Variants in ASPRV1 observed in about 807,000 individuals in gnomAD.
ASPRV1 encodes retroviral-like aspartic protease 1.
A neutral mutation model predicts 11.0 loss-of-function variants in ASPRV1; 7 were observed. The observed-to-expected ratio is 0.64, with a 90% confidence interval of 0.36 to 1.20. The LOEUF is 1.20. Among genes scored for constraint, ASPRV1 ranks in the 50% most tolerant of loss-of-function variants. ASPRV1 has a pLI of 0.02. For missense variants in ASPRV1, 299 were observed against 320.0 expected (o/e 0.93, Z 0.50); for synonymous variants, 136 against 138.4 (o/e 0.98, Z 0.12).
chr2:69,995,972 T>C, the ASPRV1 span, among the ~76,000 whole-genome samples: 2 of 152,028 alleles, frequency 1.3e-5, no homozygotes, highest in Admixed American at 6.6e-5. Flanking sequence ...CCAAATCTCT[T>C]TGGGGAGCAC....
chr2:70,018,950 A>G, the ASPRV1 span: 9 of 152,350 alleles, frequency 5.9e-5, no homozygotes, highest in East Asian at 1.7e-3. Context: ...ACAGTAAAGG[A>G]AACAATACAG....
the ASPRV1 span, chr2:69,940,301 CAT>C: frequency 6.6e-6 from 1 of 152,128 alleles, no homozygotes; most frequent in African/African-American, 2.4e-5. Context: ...CAGCCTGTAA[CAT>C]ATTTGAAAAA....
the ASPRV1 span, among the ~76,000 whole-genome samples, chr2:70,054,922 C>T: frequency 6.6e-6 from 1 of 150,408 alleles, no homozygotes; most frequent in Non-Finnish European, 1.5e-5. Context: ...AACTATCCAT[C>T]ATACATACAT....
At chr2:70,026,508 G>A in the ASPRV1 span, among the ~76,000 whole-genome samples, 1 of 151,918 alleles carries the variant, frequency 6.6e-6, no homozygotes, top group Non-Finnish European at 1.5e-5. Flanking sequence ...CAGTAAAGTT[G>A]CAGGATACAA....
the ASPRV1 span, among the ~76,000 whole-genome samples, chr2:70,084,746 ATTTG>A: frequency 3.3e-5 from 5 of 152,202 alleles, no homozygotes; most frequent in South Asian, 2.1e-4. Context: ...ATAATGTAAA[ATTTG>A]TTTCTTAGTG....
At chr2:70,087,332 T>G in the ASPRV1 span, 1 of 152,096 alleles carries the variant, frequency 6.6e-6, no homozygotes, top group Non-Finnish European at 1.5e-5. Flanking sequence ...TCAGAAGGTT[T>G]TTTTTTTAAG....
chr2:70,068,275 T>C, the ASPRV1 span, among the ~76,000 whole-genome samples: 1 of 152,170 alleles, frequency 6.6e-6, no homozygotes, highest in Admixed American at 6.5e-5. Flanking sequence ...ATCTGGCCAT[T>C]TGGAGGCAGC....
the ASPRV1 span, among the ~76,000 whole-genome samples, chr2:70,044,876 T>C: frequency 2.0e-5 from 3 of 152,174 alleles, no homozygotes; most frequent in Non-Finnish European, 2.9e-5. Context: ...CCATCACACC[T>C]GACTTTGTGA....
At chr2:70,033,274 A>AAAACACAC in the ASPRV1 span, among the ~76,000 whole-genome samples, 1 of 97,936 alleles carries the variant, frequency 1.0e-5, no homozygotes, top group Non-Finnish European at 1.9e-5. Context: ...TATCAAACAG[A>AAAACACAC]AAACACACAC....
chr2:70,067,456 G>GA, the ASPRV1 span, among the ~76,000 whole-genome samples: 1 of 152,166 alleles, frequency 6.6e-6, no homozygotes, highest in South Asian at 2.1e-4. Context: ...CAAAGAGGTT[G>GA]AGATCACCCA....
chr2:70,019,348 T>C, the ASPRV1 span: 1 of 152,178 alleles, frequency 6.6e-6, no homozygotes, highest in African/African-American at 2.4e-5. Context: ...AGGAAAACAC[T>C]ATGGTGGTTC....
chr2:70,009,821 A>G, the ASPRV1 span, among the ~76,000 whole-genome samples: 3 of 152,240 alleles, frequency 2.0e-5, no homozygotes, highest in Non-Finnish European at 2.9e-5. Context: ...GCTGACCCAG[A>G]GACAGTTGCG....
At chr2:70,017,175 T>C in the ASPRV1 span, among the ~76,000 whole-genome samples, 1 of 152,114 alleles carries the variant, frequency 6.6e-6, no homozygotes, top group Non-Finnish European at 1.5e-5. Flanking sequence ...GTATTTTTAG[T>C]AGAGACAGGG....
the ASPRV1 span, chr2:69,937,157 T>C: frequency 6.4e-7 from 1 of 1,573,554 alleles, no homozygotes; most frequent in Non-Finnish European, 8.7e-7. Flanking sequence ...ATTCCACTGC[T>C]AGAAGGGAAG....
At chr2:70,003,958 A>G in the ASPRV1 span, among the ~76,000 whole-genome samples, 1 of 152,026 alleles carries the variant, frequency 6.6e-6, no homozygotes, top group Admixed American at 6.6e-5. Context: ...TGGACTTCCT[A>G]GCCTCTAGAA....
chr2:70,023,835 T>C, the ASPRV1 span, among the ~76,000 whole-genome samples: 1 of 152,192 alleles, frequency 6.6e-6, no homozygotes, highest in African/African-American at 2.4e-5. Flanking sequence ...TGTATTACTT[T>C]TCAATTGCAA....
At chr2:70,072,792 C>A in the ASPRV1 span, among the ~76,000 whole-genome samples, 1 of 151,556 alleles carries the variant, frequency 6.6e-6, no homozygotes, top group Non-Finnish European at 1.5e-5. Context: ...TGGCTCATGC[C>A]TGTAATCCCA....
chr2:70,078,933 G>A, the ASPRV1 span, among the ~76,000 whole-genome samples: 1 of 152,234 alleles, frequency 6.6e-6, no homozygotes, highest in South Asian at 2.1e-4. Flanking sequence ...AGGGCAGGTG[G>A]TGGGAAGTGT....
Position 69,960,742 on chromosome 2 carries a change from C to T in ASPRV1, c.695G>A (p.Gly232Glu), listed in dbSNP as rs149368985. The change falls in exon 1 of 1, where the codon GGA becomes GAA. Residue 232 changes from glycine (G) to glutamate (E), a missense_variant. Gly to Glu is a moderately conservative substitution (Grantham distance 98). Coordinates refer to ENST00000320256, the MANE Select transcript of ASPRV1 (RefSeq NM_152792.4). ...KGKKFRLLPV[G>E]GSLEDEFDLE... The stretch of plus-strand genomic sequence containing the variant: ...GTCAAACTCATCTTCCAGGGACCCT[C>T]CCACAGGCAGAAGGCGAAACTTCTT... The T allele has an allele frequency of 1.2e-6, 2 of 1,614,134 alleles. No individual in the cohort carries two copies. The highest frequency in any genetic ancestry group is 2.7e-5 in the African/African-American group (2 of 75,024).
Sources: gnomAD v4.1 joint callset for allele counts (sites outside exome capture counted in the v4.1 genomes callset) on GRCh38, gnomAD v4.1.1 for gene constraint, MANE v1.5 for transcripts, NCBI Gene and HGNC (gene_info 2026-07-23, HGNC 2026-07-21) for gene names.